NR4A3: variants seen among roughly 807,000 people sequenced by gnomAD.
NR4A3 encodes the protein chondrosarcoma, extraskeletal myxoid, fused to EWS.
A neutral mutation model predicts 55.6 loss-of-function variants in NR4A3; 13 were observed. The ratio of observed to expected loss-of-function variants is 0.23; its 90% CI spans 0.15 to 0.37. The LOEUF (loss-of-function observed/expected upper bound fraction) is 0.37, where lower values mean the gene tolerates loss of function less well. NR4A3 is among the 10% of genes least tolerant of loss of function. The pLI, the probability that NR4A3 is intolerant of heterozygous loss-of-function variation, is 1.00. For missense variants in NR4A3, 646 were observed against 822.8 expected, an observed-to-expected ratio of 0.79 and a Z score of 2.63; for synonymous variants, 342 against 357.9, an observed-to-expected ratio of 0.96 and a Z score of 0.50.
At position 99,832,796 on chromosome 9, in the gene NR4A3, C is replaced by T; in HGVS notation, c.1059C>T (p.Leu353=). 1 of 1,595,632 alleles carries T rather than the reference C, an allele frequency of 6.3e-7. No individual in the cohort carries two copies. The highest frequency in any genetic ancestry group is 8.6e-7 in the Non-Finnish European group (1 of 1,166,896). ...AGTACTGTCGATTTCAGAAGTGTCT[C>T]AGTGTTGGAATGGTAAAAGAAGGTA... The part of the protein sequence containing the change: ...RCQYCRFQKC[L]SVGMVKEVVR... The change falls in exon 4 of 8, where the codon CTC becomes CTT. Residue 353 remains leucine (L), a synonymous_variant. Transcript: ENST00000395097.
In NR4A3 at chr9:99,860,547, G is replaced by A. The variant is rs190779143; in HGVS notation, c.1634-3073G>A. On this transcript the variant is annotated intron_variant, in intron 7 of 7. Transcript: ENST00000395097. The stretch of plus-strand genomic sequence containing the variant: ...TTACAGCCTGTTCTTTTGTTTTGGG[G>A]AGAAAATAAAACTTTAGGCAGAACA... 2.6e-4 allele frequency among the ~76,000 whole-genome samples: 40 copies of A among 152,286 alleles called. No homozygotes were observed. In the East Asian group the frequency reaches 7.1e-3, roughly 27 times the overall value.
At chr9:99,839,720 C>G (rs567304410) in intron 5 of NR4A3, among the ~76,000 whole-genome samples, 3 of 152,234 alleles carry the variant, frequency 2.0e-5, no homozygotes, top group Admixed American at 2.0e-4. Flanking sequence ...AGAGTTCTGA[C>G]AGATCAATAA....
chr9:99,845,101 A>C (rs980031842), intron 6 of NR4A3, among the ~76,000 whole-genome samples: 1 of 152,182 alleles, frequency 6.6e-6, no homozygotes, highest in African/African-American at 2.4e-5. Context: ...CGGGAAGTTC[A>C]ATTCCATCCT....
chr9:99,825,966 C>T lies in NR4A3; in HGVS notation c.-3+134C>T. 1 of 189,276 alleles carries T rather than the reference C, an allele frequency of 5.3e-6. No individual in the cohort carries two copies. Among genetic ancestry groups the T allele is most frequent in the Non-Finnish European group, 1.1e-5 (1 of 89,758 alleles). The allele number at this position is 189,276 out of a possible 1,614,324, so 11.7% of individuals were successfully genotyped here. On this transcript the variant is annotated intron_variant, in intron 2 of 7. Coordinates refer to ENST00000395097, the MANE Select transcript of NR4A3 (RefSeq NM_006981.4). This position sits in a 1 kb window ranked among gnomAD's most constrained non-coding sequence, Gnocchi z 5.0. ...ACTGCTGGCCGCGAATTTCACAACA[C>T]AGGTGGCTTCCTCACAGGAAGCTCC...
intron 7 of NR4A3, among the ~76,000 whole-genome samples, chr9:99,848,470 G>T (rs1827794217): frequency 1.3e-5 from 2 of 152,048 alleles, no homozygotes; most frequent in South Asian, 4.2e-4. Context: ...TCACCCTCCT[G>T]AGTAGCTGGG....
chr9:99,828,453 G>A lies in NR4A3; in HGVS notation c.411G>A (p.Gln137=), dbSNP rs1827358588. 6.3e-7 allele frequency: 1 copy of A among 1,577,156 alleles called. No individual in the cohort carries two copies. Among genetic ancestry groups the A allele is most frequent in the Non-Finnish European group, 8.6e-7 (1 of 1,162,064 alleles). The change falls in exon 3 of 8, where the codon CAG becomes CAA. Residue 137 remains glutamine, a synonymous_variant. Transcript: ENST00000395097. The surrounding 1 kb of genome is among the most constrained non-coding windows in gnomAD (Gnocchi z 7.7). ...CCAGCACCTCCATGTACTTCAAGCAGTCCCCACCGTCCACCCCCACCACGC... is the reference window on the plus strand; with the variant it reads ...CCAGCACCTCCATGTACTTCAAGCAATCCCCACCGTCCACCCCCACCACGC... ...VLPSTSMYFK[Q]SPPSTPTTPA...
chr9:99,859,995 T>C (rs554452045), intron 7 of NR4A3, among the ~76,000 whole-genome samples: 1 of 152,340 alleles, frequency 6.6e-6, no homozygotes, highest in African/African-American at 2.4e-5. Flanking sequence ...ATTCAAGGGC[T>C]TCACAAAGGA....
At chr9:99,862,355 C>A (rs913094543) in intron 7 of NR4A3, among the ~76,000 whole-genome samples, 1 of 151,500 alleles carries the variant, frequency 6.6e-6, no homozygotes, top group African/African-American at 2.4e-5. Flanking sequence ...ACCATCCTGG[C>A]CAATATGGTG....
At position 99,828,374 on chromosome 9, in the gene NR4A3, A is replaced by G. The variant is rs757044692; in HGVS notation, c.332A>G (p.Gln111Arg). The G allele has an allele frequency of 1.0e-5, 16 of 1,597,224 alleles. No individual in the cohort carries two copies. The highest frequency in any genetic ancestry group is 2.6e-6 in the Non-Finnish European group (3 of 1,172,292). The change falls in exon 3 of 8, where the codon CAG (glutamine) becomes CGG (arginine). Residue 111 changes from glutamine to arginine, a missense_variant. By Grantham distance (43) the Gln-to-Arg change is conservative. Coordinates refer to ENST00000395097, the MANE Select transcript of NR4A3 (RefSeq NM_006981.4). This position sits in a 1 kb window ranked among gnomAD's most constrained non-coding sequence, Gnocchi z 7.7. Reference sequence around the variant, plus strand: ...CACCACCACCACCATCACCAGCAGCAGCATCAGCAGCCATCCATTCCTCCA... The same window carrying G: ...CACCACCACCACCATCACCAGCAGCGGCATCAGCAGCCATCCATTCCTCCA... ...HHHHHHHHQQ[Q>R]HQQPSIPPAS...
At chr9:99,833,990 G>A (rs1827503243) in intron 5 of NR4A3, 4 of 1,125,702 alleles carry the variant, frequency 3.6e-6, no homozygotes, top group Admixed American at 4.6e-5. Context: ...CTTCCTGCCT[G>A]TGTCACCTGG....
At position 99,828,635 on chromosome 9, in the gene NR4A3, C is replaced by A; in HGVS notation, c.593C>A (p.Pro198Gln). The change falls in exon 3 of 8, where the codon CCG becomes CAG. Residue 198 changes from proline to glutamine, a missense_variant. By Grantham distance (76) the Pro-to-Gln change is moderately conservative. Transcript: ENST00000395097. The surrounding 1 kb of genome is among the most constrained non-coding windows in gnomAD (Gnocchi z 7.7). ...CTCTTCCACTTCAAGCCCTCGCCGC[C>A]GCATCCCCCCGCGCCCAGCCCGGCC... ...FPLFHFKPSP[P>Q]HPPAPSPAGG... 6.8e-7 allele frequency: 1 copy of A among 1,469,844 alleles called. No individual in the cohort carries two copies. The highest frequency in any genetic ancestry group is 2.5e-5 in the Admixed American group (1 of 40,252). The allele number at this position is 1,469,844 out of a possible 1,614,324, so 91.1% of individuals were successfully genotyped here. A position where few individuals can be genotyped will look rare whatever the true frequency, so the allele number is the denominator to read the frequency against.
Position 99,844,868 on chromosome 9 carries a change from C to T in NR4A3, c.1454+20C>T. ...CATCAGGTAATTACTACTATTTTAT[C>T]TTCAGTCTACGTCCTTTGAAGAAGC... is the stretch of plus-strand genomic sequence containing the variant. On this transcript the variant is annotated intron_variant, in intron 6 of 7. Transcript: ENST00000395097. 1 of 1,577,206 alleles carries T rather than the reference C, an allele frequency of 6.3e-7. No homozygotes were observed. The highest frequency in any genetic ancestry group is 1.1e-5 in the South Asian group (1 of 90,198).
At chr9:99,850,412 G>A (rs1000344779) in intron 7 of NR4A3, among the ~76,000 whole-genome samples, 2 of 152,204 alleles carry the variant, frequency 1.3e-5, no homozygotes, top group Admixed American at 6.5e-5. Context: ...AGGCCAGGAC[G>A]TGTGGGTGCC....
At chr9:99,858,588 A>G (rs771614817) in intron 7 of NR4A3, among the ~76,000 whole-genome samples, 21 of 152,234 alleles carry the variant, frequency 1.4e-4, no homozygotes, top group Non-Finnish European at 1.5e-4. Flanking sequence ...AAAATAGGAG[A>G]GAGTTATAGA....
intron 2 of NR4A3, chr9:99,826,765 CCATA>C: frequency 6.2e-7 from 1 of 1,613,760 alleles, no homozygotes; most frequent in Non-Finnish European, 8.5e-7. Context: ...AGATTTCATC[CCATA>C]CATGCATGAC....
In NR4A3 at chr9:99,863,969, G is replaced by A; in HGVS notation, c.*102G>A. Reference sequence around the variant, plus strand: ...CCTATCATTTCCTGTCCTTCCTTAAGAGGAAAAGCAGCTCCTGTAGAAAGC... The same window carrying A: ...CCTATCATTTCCTGTCCTTCCTTAAAAGGAAAAGCAGCTCCTGTAGAAAGC... On this transcript the variant is annotated 3_prime_UTR_variant, in exon 8 of 8. Coordinates refer to ENST00000395097, the MANE Select transcript of NR4A3 (RefSeq NM_006981.4). 7.4e-7 allele frequency: 1 copy of A among 1,353,772 alleles called. No homozygotes were observed. Among genetic ancestry groups the A allele is most frequent in the Non-Finnish European group, 1.0e-6 (1 of 996,426 alleles). The allele number at this position is 1,353,772 out of a possible 1,614,324, so 83.9% of individuals were successfully genotyped here. A position where few individuals can be genotyped will look rare whatever the true frequency, so the allele number is the denominator to read the frequency against.
At chr9:99,852,785 A>G (rs1261120325) in intron 7 of NR4A3, among the ~76,000 whole-genome samples, 1 of 152,152 alleles carries the variant, frequency 6.6e-6, no homozygotes, top group Non-Finnish European at 1.5e-5. Flanking sequence ...CATGGCAGAA[A>G]GTAGTGAAAC....
chr9:99,850,581 G>A (rs1047746599), intron 7 of NR4A3, among the ~76,000 whole-genome samples: 23 of 152,186 alleles, frequency 1.5e-4, no homozygotes, highest in African/African-American at 4.8e-4. Context: ...GAGATTGGCT[G>A]GGGGAGGAGG....
rs560417094 is a variant in NR4A3, at chr9:99,866,705, A to T, written c.*2838A>T. The T allele has an allele frequency of 1.3e-5, 3 of 224,108 alleles. No homozygotes were observed. Among genetic ancestry groups the T allele is most frequent in the Admixed American group, 5.7e-5 (1 of 17,496 alleles). The allele number at this position is 224,108 out of a possible 1,614,324, so 13.9% of individuals were successfully genotyped here. A position where few individuals can be genotyped will look rare whatever the true frequency, so the allele number is the denominator to read the frequency against. ...TGTGAACATGCCTTCTGTGGGCGGA[A>T]ATCAGGAAGCCACCAGCTGTTAATG... On this transcript the variant is annotated 3_prime_UTR_variant, in exon 8 of 8. Coordinates refer to ENST00000395097, the MANE Select transcript of NR4A3 (RefSeq NM_006981.4).
Sources: allele counts gnomAD v4.1 joint callset (sites outside exome capture counted in the v4.1 genomes callset), GRCh38; gene constraint gnomAD v4.1.1; non-coding constraint Gnocchi (gnomAD v3.1); transcripts MANE v1.5; gene names NCBI Gene and HGNC (gene_info 2026-07-23, HGNC 2026-07-21).